ADAMTS9: variants seen among roughly 807,000 people sequenced by gnomAD.
ADAMTS9 encodes the protein ADAM metallopeptidase with thrombospondin type 1 motif 9, also known as A disintegrin and metalloproteinase with thrombospondin motifs 9.
Under a neutral mutation model 257.1 loss-of-function variants are expected in ADAMTS9, and 107 were observed. That is an observed-to-expected ratio of 0.42 (90% confidence interval 0.36 to 0.49). The LOEUF (loss-of-function observed/expected upper bound fraction) is 0.49. ADAMTS9 is among the 20% of genes least tolerant of loss of function. The probability of loss-of-function intolerance (pLI) is 0.03; values close to 1 mark genes in which losing one functional copy is unlikely to be tolerated. For synonymous variants in ADAMTS9, 982 were observed against 880.9 expected, an observed-to-expected ratio of 1.11 and a Z score of -2.03; for missense variants, 2,353 against 2,469.1, an observed-to-expected ratio of 0.95 and a Z score of 1.00.
At chr3:64,641,762 G>A in intron 12 of ADAMTS9, 86 bp downstream of exon 12, 1 of 1,535,222 alleles carries the variant, frequency 6.5e-7, no homozygotes, top group Non-Finnish European at 8.9e-7. Context: ...AAGTTGGAAT[G>A]TACTCTTCAC....
In ADAMTS9 at chr3:64,650,940, T is replaced by C. The variant is rs781368319; in HGVS notation, c.1463+77A>G. 5 of 1,428,612 alleles carry C rather than the reference T, an allele frequency of 3.5e-6. No individual in the cohort carries two copies. In the African/African-American group the frequency reaches 6.0e-5, roughly 17 times the overall value. The allele number at this position is 1,428,612 out of a possible 1,614,324, so 88.5% of individuals were successfully genotyped here. Reference sequence around the variant, plus strand: ...CTCAAAAGGAATGTTTGACTTCATATTGTCTTTCCCACAATTAGTTCACTA... The same window carrying C: ...CTCAAAAGGAATGTTTGACTTCATACTGTCTTTCCCACAATTAGTTCACTA... On this transcript the variant is annotated intron_variant, in intron 9 of 39. Transcript: ENST00000498707.
intron 11 of ADAMTS9, among the ~76,000 whole-genome samples, chr3:64,643,170 T>C (rs1394344147): frequency 1.3e-5 from 2 of 152,142 alleles, no homozygotes; most frequent in Non-Finnish European, 1.5e-5. Context: ...CAGTGGGGAC[T>C]ACGTCGCTCT....
chr3:64,638,697 A>C (rs886811861), intron 12 of ADAMTS9, among the ~76,000 whole-genome samples: 1 of 152,182 alleles, frequency 6.6e-6, no homozygotes, highest in African/African-American at 2.4e-5. Flanking sequence ...CAAAATTAGA[A>C]AGCGTATGGT....
chr3:64,633,646 T>C, intron 13 of ADAMTS9, 38 bp from the exon 14 acceptor site: 1 of 1,613,962 alleles, frequency 6.2e-7, no homozygotes, highest in Middle Eastern at 1.7e-4. Context: ...CTTTTGTGCC[T>C]GGCCTCAGTG....
rs141537555 is a variant in ADAMTS9, at chr3:64,625,382, T to C, written c.2390-2796A>G. 2.2e-3 allele frequency among the ~76,000 whole-genome samples: 340 copies of C among 152,246 alleles called. 9 individuals are homozygous for C. In the East Asian group the frequency reaches 0.033, roughly 15 times the overall value. ...CTTTCACCACTCAGGAGAGAAGCAA[T>C]GTGTACACAGAAGAGGTTCCAAGGA... On this transcript the variant is annotated intron_variant, in intron 16 of 39. Transcript: ENST00000498707.
chr3:64,572,942 G>A (rs896891097), intron 28 of ADAMTS9, among the ~76,000 whole-genome samples: 6 of 152,078 alleles, frequency 3.9e-5, no homozygotes, highest in African/African-American at 1.4e-4. Context: ...GCTGGGCATG[G>A]TGGCATGCAC....
chr3:64,620,757 T>A (rs188892130), intron 19 of ADAMTS9, among the ~76,000 whole-genome samples: 85 of 152,278 alleles, frequency 5.6e-4, no homozygotes, highest in Admixed American at 5.2e-3. Flanking sequence ...TATGGGTACT[T>A]TGAGGGATGA....
At chr3:64,661,295 A>G (rs1440360936) in intron 3 of ADAMTS9, among the ~76,000 whole-genome samples, 3 of 151,938 alleles carry the variant, frequency 2.0e-5, no homozygotes, top group Non-Finnish European at 4.4e-5. Flanking sequence ...ACCAACTGGC[A>G]TTTGTATACA....
At chr3:64,563,563 C>T (rs1408578850) in intron 29 of ADAMTS9, among the ~76,000 whole-genome samples, 1 of 152,198 alleles carries the variant, frequency 6.6e-6, no homozygotes, top group Non-Finnish European at 1.5e-5. Context: ...CTTTTTGAAG[C>T]TATTGTAATT....
At chr3:64,564,574 CTA>C (rs957949908) in intron 29 of ADAMTS9, among the ~76,000 whole-genome samples, 40 of 152,138 alleles carry the variant, frequency 2.6e-4, no homozygotes, top group African/African-American at 9.4e-4. Context: ...ACAGTATATG[CTA>C]GTATACTGAG....
chr3:64,602,137 C>G lies in ADAMTS9; in HGVS notation c.3824G>C (p.Arg1275Pro), dbSNP rs149680592. The G allele has an allele frequency of 6.2e-7, 1 of 1,614,080 alleles. No individual in the cohort carries two copies. The highest frequency in any genetic ancestry group is 1.7e-5 in the Admixed American group (1 of 60,016). The change falls in exon 26 of 40, where the codon CGG (arginine) becomes CCG (proline). Residue 1275 changes from arginine (R) to proline (P), a missense_variant. Physicochemically the swap from Arg to Pro is moderately radical, Grantham distance 103. This residue lies in a region of ADAMTS9 where 1,402 missense variants were observed against 1,441.4 expected (regional missense o/e 0.97). Coordinates refer to ENST00000498707, the MANE Select transcript of ADAMTS9 (RefSeq NM_182920.2). ...GATATAATCCTGGTCACACTCACTCCGATCGATCACGTGGTCACTGTAGTT... is the reference window on the plus strand; with the variant it reads ...GATATAATCCTGGTCACACTCACTCGGATCGATCACGTGGTCACTGTAGTT... ...CVNYSDHVIDRSECDQDYIPE... is the reference protein window; with the variant it reads ...CVNYSDHVIDPSECDQDYIPE...
intron 39 of ADAMTS9, among the ~76,000 whole-genome samples, chr3:64,521,959 T>A (rs780287868): frequency 6.6e-6 from 1 of 152,128 alleles, no homozygotes; most frequent in Non-Finnish European, 1.5e-5. Context: ...GCCAGCTCTG[T>A]AGAGGGGAAG....
chr3:64,683,866 C>T (rs750281838), intron 2 of ADAMTS9, among the ~76,000 whole-genome samples: 35 of 151,810 alleles, frequency 2.3e-4, no homozygotes, highest in Non-Finnish European at 3.7e-4. Context: ...CAAGGGAGAA[C>T]GTACTAAGCA....
intron 28 of ADAMTS9, among the ~76,000 whole-genome samples, chr3:64,572,295 C>CA (rs2083708556): frequency 6.6e-6 from 1 of 152,274 alleles, no homozygotes; most frequent in Admixed American, 6.5e-5. Context: ...ATTGTGTTAA[C>CA]ACTTTTCACT....
At chr3:64,554,880 T>A (rs1025747128) in intron 30 of ADAMTS9, among the ~76,000 whole-genome samples, 2 of 152,234 alleles carry the variant, frequency 1.3e-5, no homozygotes, top group Non-Finnish European at 2.9e-5. Flanking sequence ...GCCAGGTAGG[T>A]TGGCCACAGA....
chr3:64,569,590 A>G (rs1263593154), intron 28 of ADAMTS9, among the ~76,000 whole-genome samples: 1 of 152,244 alleles, frequency 6.6e-6, no homozygotes, highest in East Asian at 1.9e-4. Flanking sequence ...CATGTGAAAC[A>G]TGTAACTCAT....
At chr3:64,615,539 G>T in intron 20 of ADAMTS9, 54 bp from the exon 21 acceptor site, 1 of 1,529,418 alleles carries the variant, frequency 6.5e-7, no homozygotes, top group Non-Finnish European at 8.8e-7. Flanking sequence ...TATAAAGTAT[G>T]CTGAAGATCC....
At chr3:64,671,841 A>C (rs1396689526) in intron 3 of ADAMTS9, among the ~76,000 whole-genome samples, 1 of 152,250 alleles carries the variant, frequency 6.6e-6, no homozygotes, top group African/African-American at 2.4e-5. Context: ...AAAAAGTCAA[A>C]TGAGAAAACA....
chr3:64,574,669 G>A (rs80318333), intron 28 of ADAMTS9, among the ~76,000 whole-genome samples: 1 of 151,844 alleles, frequency 6.6e-6, no homozygotes, highest in Admixed American at 6.6e-5. Context: ...GGGGTTTGGG[G>A]TTAGTGAGCT....
Sources: allele counts gnomAD v4.1 joint callset (sites outside exome capture counted in the v4.1 genomes callset), GRCh38; gene constraint gnomAD v4.1.1; regional missense constraint gnomAD v4.1.1; transcripts MANE v1.5; gene names NCBI Gene and HGNC (gene_info 2026-07-23, HGNC 2026-07-21).